Variants in DEPDC5 observed in about 807,000 individuals in gnomAD.
The protein encoded by DEPDC5 is DEP domain containing 5, GATOR1 subcomplex subunit, also known as GATOR1 complex protein DEPDC5.
In DEPDC5, 73 loss-of-function variants were observed where a neutral mutation model predicts 217.3. That is an observed-to-expected ratio of 0.34 (90% CI 0.28 to 0.41). DEPDC5 has a LOEUF of 0.41. Among genes scored for constraint, DEPDC5 ranks in the 10% least tolerant of loss-of-function variants. DEPDC5 has a pLI of 1.00. For missense variants in DEPDC5, 1,675 were observed against 2,070.1 expected (o/e 0.81, Z 3.70); for synonymous variants, 733 against 756.7 (o/e 0.97, Z 0.51).
At chr22:31,760,253 A>G (rs2082279881) in intron 3 of DEPDC5, among the ~76,000 whole-genome samples, 1 of 151,562 alleles carries the variant, frequency 6.6e-6, no homozygotes, top group African/African-American at 2.4e-5. Context: ...TATTTTTAGG[A>G]GAGACGGGGT....
At chr22:31,868,840 C>G (rs947635776) in intron 33 of DEPDC5, among the ~76,000 whole-genome samples, 3 of 152,176 alleles carry the variant, frequency 2.0e-5, no homozygotes, top group Admixed American at 6.5e-5. Context: ...TTACACTTTT[C>G]CAGAATTGCT....
chr22:31,873,140 T>C, intron 34 of DEPDC5, 115 bp from the exon 35 acceptor site: 2 of 1,575,054 alleles, frequency 1.3e-6, no homozygotes, highest in South Asian at 2.3e-5. Flanking sequence ...ATGCCTTTAG[T>C]GTCAACATTG....
chr22:31,902,069 C>T (rs1416502221), intron 41 of DEPDC5, among the ~76,000 whole-genome samples: 1 of 151,972 alleles, frequency 6.6e-6, no homozygotes, highest in Admixed American at 6.6e-5. Context: ...TCCTTAGCCT[C>T]CAACAAGACC....
At chr22:31,891,267 T>C in intron 38 of DEPDC5, 2 of 524,826 alleles carry the variant, frequency 3.8e-6, no homozygotes, top group South Asian at 3.4e-5. Flanking sequence ...AATTACCTCT[T>C]AATGCAAAAG....
chr22:31,876,126 A>G, intron 36 of DEPDC5, 31 bp from the exon 37 acceptor site: 1 of 1,607,556 alleles, frequency 6.2e-7, no homozygotes, highest in Non-Finnish European at 8.5e-7. Flanking sequence ...GCCTCTCTGC[A>G]GGAATTTCAG....
At chr22:31,812,666 C>T (rs192760581) in intron 20 of DEPDC5, among the ~76,000 whole-genome samples, 24 of 147,694 alleles carry the variant, frequency 1.6e-4, no homozygotes, top group East Asian at 1.2e-3. Flanking sequence ...TCTCGTGATA[C>T]GCACACCTCA....
chr22:31,778,176 T>G lies in DEPDC5; in HGVS notation c.483+8T>G, dbSNP rs1363426695. 6 of 1,613,822 alleles carry G rather than the reference T, an allele frequency of 3.7e-6. No individual in the cohort carries two copies. Among genetic ancestry groups the G allele is most frequent in the Middle Eastern group, 1.6e-4 (1 of 6,082 alleles). On this transcript the variant is annotated splice_region_variant and intron_variant, in intron 8 of 42. Coordinates refer to ENST00000651528, the MANE Select transcript of DEPDC5 (RefSeq NM_001242896.3). ...ATCAGTGAAGATACCAGGGTAAGAT[T>G]TATAAAATGCTTTTTTGGTTTTATC...
intron 38 of DEPDC5, among the ~76,000 whole-genome samples, chr22:31,891,599 C>T (rs1427620561): frequency 1.3e-5 from 2 of 152,190 alleles, no homozygotes; most frequent in Non-Finnish European, 2.9e-5. Flanking sequence ...TTATCTTTGT[C>T]AGTGAGAAAA....
intron 10 of DEPDC5, among the ~76,000 whole-genome samples, chr22:31,788,075 ATAAAAAT>A (rs2085202189): frequency 6.6e-6 from 1 of 151,844 alleles, no homozygotes; most frequent in Non-Finnish European, 1.5e-5. Context: ...CTATGTACCC[ATAAAAAT>A]TAAAAAATAA....
At chr22:31,822,606 C>A in intron 23 of DEPDC5, 87 bp from the exon 24 acceptor site, 1 of 1,329,814 alleles carries the variant, frequency 7.5e-7, no homozygotes, top group Non-Finnish European at 1.1e-6. Context: ...TTTTATGAAC[C>A]TACCTCCCAC....
At chr22:31,902,420 ATATATATATATATATACT>A (rs2093666681) in intron 41 of DEPDC5, among the ~76,000 whole-genome samples, 2 of 141,216 alleles carry the variant, frequency 1.4e-5, no homozygotes, top group Admixed American at 7.3e-5. Flanking sequence ...ATATATATAT[ATATATATATATATATACT>A]TATATATACT....
At chr22:31,829,638 TTC>T (rs1393986677) in intron 24 of DEPDC5, among the ~76,000 whole-genome samples, 4 of 152,186 alleles carry the variant, frequency 2.6e-5, no homozygotes, top group Admixed American at 2.6e-4. Flanking sequence ...GACTCAGTCT[TTC>T]TCCTGCATTT....
chr22:31,873,807 TTTTG>T, intron 35 of DEPDC5: 1 of 154,338 alleles, frequency 6.5e-6, no homozygotes, highest in Non-Finnish European at 1.4e-5. Flanking sequence ...TTTTTTTTTT[TTTTG>T]AGACAGAGTC....
At position 31,844,907 on chromosome 22, in the gene DEPDC5, T is replaced by C. The variant is rs922011876; in HGVS notation, c.2802-111T>C. The C allele has an allele frequency of 2.8e-6, 3 of 1,076,340 alleles. No individual in the cohort carries two copies. The South Asian group carries it at 4.0e-5, about 14-fold the overall frequency. 66.7% of individuals were successfully genotyped at this position (1,076,340 alleles called of 1,614,324 possible). On this transcript the variant is annotated intron_variant, in intron 29 of 42. Transcript: ENST00000651528. ...TGAGCTGTAGCATCAAATGAGCACA[T>C]ACTCATGGGGAGATGGACCTTCACA...
rs150293333 is a variant in DEPDC5, at chr22:31,757,020, C to G, written c.59-1526C>G. 4.4e-4 allele frequency among the ~76,000 whole-genome samples: 66 copies of G among 151,524 alleles called. No homozygotes were observed. The South Asian group carries it at 4.4e-3, about 10-fold the overall frequency. On this transcript the variant is annotated intron_variant, in intron 2 of 42. Transcript: ENST00000651528. ...TAATGATTATGAATGCCACAAGGTT[C>G]TTTGTCCCTAAAGAGTTTTCAGTTT...
intron 10 of DEPDC5, among the ~76,000 whole-genome samples, chr22:31,786,083 C>G (rs2084952103): frequency 6.6e-6 from 1 of 151,852 alleles, no homozygotes; most frequent in Admixed American, 6.6e-5. Flanking sequence ...GTCATGAAAC[C>G]CTGTCTCTAC....
intron 41 of DEPDC5, 113 bp from the exon 42 acceptor site, chr22:31,905,863 AAAGAGATC>A (rs1372320446): frequency 1.1e-6 from 1 of 875,084 alleles, no homozygotes; most frequent in Non-Finnish European, 1.8e-6. Context: ...TGCAATCTGG[AAAGAGATC>A]TTTCCAGATC....
chr22:31,893,979 C>T, intron 39 of DEPDC5: 1 of 404,374 alleles, frequency 2.5e-6, no homozygotes, highest in Non-Finnish European at 4.2e-6. Context: ...ACATCTGAGG[C>T]CAGATAATTC....
intron 25 of DEPDC5, 61 bp from the exon 26 acceptor site, chr22:31,836,911 C>G (rs1329432301): frequency 1.4e-6 from 2 of 1,478,150 alleles, no homozygotes; most frequent in African/African-American, 2.8e-5. Context: ...CTCCCCTGGC[C>G]CCCCATCCCA....
Sources: allele counts gnomAD v4.1 joint callset (sites outside exome capture counted in the v4.1 genomes callset), GRCh38; gene constraint gnomAD v4.1.1; transcripts MANE v1.5; gene names NCBI Gene and HGNC (gene_info 2026-07-23, HGNC 2026-07-21).